Variants in ADGRV1 observed in about 807,000 individuals in gnomAD.
ADGRV1 encodes the protein adhesion G protein-coupled receptor V1.
Under a neutral mutation model 596.2 loss-of-function variants are expected in ADGRV1, and 359 were observed. That is an observed-to-expected ratio of 0.60 (90% CI 0.55 to 0.66). The LOEUF is 0.66. Among genes scored for constraint, ADGRV1 ranks in the 30% least tolerant of loss-of-function variants. ADGRV1 has a pLI of 0.00. For synonymous variants in ADGRV1, 2,681 were observed against 2,679.2 expected, an observed-to-expected ratio of 1.00 and a Z score of -0.02; for missense variants, 7,274 against 7,575.6, an observed-to-expected ratio of 0.96 and a Z score of 1.48.
intron 43 of ADGRV1, chr5:90,718,378 GCTAT>G (rs1397107074): frequency 6.6e-6 from 1 of 152,072 alleles, no homozygotes; most frequent in Non-Finnish European, 1.5e-5. Context: ...TTTAAATCCA[GCTAT>G]CTGTTGTTTC....
chr5:90,759,776 C>A (rs1756270078), intron 58 of ADGRV1, 188 bp downstream of exon 58: 1 of 565,050 alleles, frequency 1.8e-6, no homozygotes, highest in Non-Finnish European at 3.2e-6. Context: ...CCATCCTGGC[C>A]AATATGGTTG....
intron 50 of ADGRV1, among the ~76,000 whole-genome samples, chr5:90,738,519 C>T (rs1045397772): frequency 1.3e-5 from 2 of 152,080 alleles, no homozygotes; most frequent in Admixed American, 1.3e-4. Flanking sequence ...ACTCTCTTAG[C>T]TTTTGTCTGG....
At chr5:90,640,386 T>C (rs1409767748) in intron 11 of ADGRV1, among the ~76,000 whole-genome samples, 1 of 152,242 alleles carries the variant, frequency 6.6e-6, no homozygotes. Context: ...TTTTTCTAAC[T>C]CAAAGAACAA....
intron 27 of ADGRV1, among the ~76,000 whole-genome samples, chr5:90,681,923 A>G (rs529108631): frequency 6.6e-6 from 1 of 150,436 alleles, no homozygotes; most frequent in East Asian, 2.0e-4. Flanking sequence ...GTGGAGTGCA[A>G]TGGCGTGATC....
chr5:90,791,405 A>G, intron 70 of ADGRV1, 59 bp downstream of exon 70: 1 of 1,216,768 alleles, frequency 8.2e-7, no homozygotes, highest in Non-Finnish European at 1.1e-6. Flanking sequence ...AGGAGTGCCC[A>G]TGCTTACCTC....
At chr5:90,829,249 A>G in intron 77 of ADGRV1, 63 bp downstream of exon 77, 1 of 1,249,024 alleles carries the variant, frequency 8.0e-7, no homozygotes, top group Non-Finnish European at 1.1e-6. Context: ...CAGCAAGAGT[A>G]ATGACATAGG....
chr5:91,018,093 A>G (rs1408255203), intron 85 of ADGRV1, among the ~76,000 whole-genome samples: 1 of 151,976 alleles, frequency 6.6e-6, no homozygotes, highest in African/African-American at 2.4e-5. Flanking sequence ...GAAAAAGAAA[A>G]TGATATACAG....
intron 89 of ADGRV1, among the ~76,000 whole-genome samples, chr5:91,153,753 A>G (rs1257531726): frequency 1.3e-5 from 2 of 152,252 alleles, no homozygotes; most frequent in Non-Finnish European, 2.9e-5. Context: ...AGACCTTCTT[A>G]TGCAGTGCCT....
intron 84 of ADGRV1, among the ~76,000 whole-genome samples, chr5:90,971,514 T>C (rs1286303114): frequency 1.3e-5 from 2 of 152,168 alleles, no homozygotes; most frequent in African/African-American, 4.8e-5. Flanking sequence ...CCGCAGAAAC[T>C]CTACAAGCCA....
At position 90,690,779 on chromosome 5, in the gene ADGRV1, G is replaced by T. The variant is rs1284937573; in HGVS notation, c.6707-18G>T. ...TCACTTTGTATTTGAAATGAACTCT[G>T]CTCTGTCTACCCTTCAGGTTTTCAG... On this transcript the variant is annotated intron_variant, in intron 30 of 89. Transcript: ENST00000405460. The T allele has an allele frequency of 3.8e-6, 6 of 1,583,036 alleles. No homozygotes were observed. Among genetic ancestry groups the T allele is most frequent in the Admixed American group, 1.8e-5 (1 of 55,174 alleles).
Position 90,685,948 on chromosome 5 carries a change from C to T in ADGRV1, c.6443C>T (p.Ala2148Val), listed in dbSNP as rs375921325. ...INVTRTGGAF[A>V]DVSVKFKAVP... Reference sequence around the variant, plus strand: ...GTGACTAGAACAGGAGGAGCATTTGCAGATGTCTCTGTGAAGTTTAAAGCT... The same window carrying T: ...GTGACTAGAACAGGAGGAGCATTTGTAGATGTCTCTGTGAAGTTTAAAGCT... The change falls in exon 29 of 90, where the codon GCA (alanine) becomes GTA (valine). Residue 2148 changes from alanine to valine, a missense_variant. Physicochemically the swap from Ala to Val is moderately conservative, Grantham distance 64 (BLOSUM62 0). Transcript: ENST00000405460. 80 of 1,605,486 alleles carry T rather than the reference C, an allele frequency of 5.0e-5. No homozygotes were observed. In the African/African-American group the frequency reaches 9.5e-4, roughly 19 times the overall value.
At chr5:90,721,330 C>T (rs1424455178) in intron 45 of ADGRV1, among the ~76,000 whole-genome samples, 2 of 151,432 alleles carry the variant, frequency 1.3e-5, no homozygotes, top group African/African-American at 4.9e-5. Flanking sequence ...TGGTGAAACC[C>T]CATCTTTACT....
At chr5:90,988,221 G>A (rs138937920) in intron 85 of ADGRV1, among the ~76,000 whole-genome samples, 1 of 152,118 alleles carries the variant, frequency 6.6e-6, no homozygotes, top group East Asian at 1.9e-4. Flanking sequence ...ATTTTATTTT[G>A]TCTGATTATT....
chr5:91,137,490 G>A (rs369441156), intron 87 of ADGRV1, among the ~76,000 whole-genome samples: 1 of 152,150 alleles, frequency 6.6e-6, no homozygotes, highest in Admixed American at 6.6e-5. Context: ...ACTGAGTGTA[G>A]CTCTATGAAG....
At chr5:90,821,108 C>T (rs1561800374) in intron 75 of ADGRV1, among the ~76,000 whole-genome samples, 3 of 151,918 alleles carry the variant, frequency 2.0e-5, no homozygotes, top group South Asian at 2.1e-4. Context: ...GGAGGCTTTG[C>T]TCATTTCTTT....
At chr5:90,672,820 G>A (rs186834527) in intron 22 of ADGRV1, 98 bp downstream of exon 22, 10 of 855,100 alleles carry the variant, frequency 1.2e-5, no homozygotes, top group South Asian at 2.1e-5. Context: ...TTGAAGTGTC[G>A]CTTCCCATTA....
intron 37 of ADGRV1, among the ~76,000 whole-genome samples, chr5:90,705,785 CAT>C (rs1477667015): frequency 6.6e-6 from 1 of 152,180 alleles, no homozygotes; most frequent in African/African-American, 2.4e-5. Flanking sequence ...AATTAACAAA[CAT>C]AACATTTCAG....
chr5:90,575,182 T>C (rs1757037765), intron 1 of ADGRV1, among the ~76,000 whole-genome samples: 1 of 152,094 alleles, frequency 6.6e-6, no homozygotes, highest in Non-Finnish European at 1.5e-5. Context: ...CAAAGTTATA[T>C]TGTTGATTTG....
At chr5:90,652,238 G>T (rs538694643) in intron 18 of ADGRV1, 108 bp from the exon 19 acceptor site, 107 of 729,046 alleles carry the variant, frequency 1.5e-4, no homozygotes, top group Non-Finnish European at 1.5e-4. Context: ...CAGCTGGTTT[G>T]TTTCTTTTAA....
Sources: allele counts gnomAD v4.1 joint callset (sites outside exome capture counted in the v4.1 genomes callset), GRCh38; gene constraint gnomAD v4.1.1; transcripts MANE v1.5; gene names NCBI Gene and HGNC (gene_info 2026-07-23, HGNC 2026-07-21).